ETV6: variants seen among roughly 807,000 people sequenced by gnomAD.
The protein encoded by ETV6 is transcription factor ETV6.
ETV6 carries 16 observed loss-of-function variants against 51.1 expected under a neutral mutation model. That is an observed-to-expected ratio of 0.31 (90% CI 0.21 to 0.48). The LOEUF is 0.48. Ranked by LOEUF, ETV6 falls within the 20% of genes least tolerant of loss-of-function variation. The pLI is 0.99. For synonymous variants in ETV6, 240 were observed against 224.1 expected, an observed-to-expected ratio of 1.07 and a Z score of -0.64; for missense variants, 458 against 594.8, an observed-to-expected ratio of 0.77 and a Z score of 2.39.
intron 1 of ETV6, among the ~76,000 whole-genome samples, chr12:11,660,616 A>AAG (rs1555110994): frequency 6.7e-6 from 1 of 149,942 alleles, no homozygotes; most frequent in East Asian, 2.0e-4. Flanking sequence ...AAAAAAAAAA[A>AAG]GGGAGATGGG....
At chr12:11,776,399 G>A (rs897285596) in intron 2 of ETV6, among the ~76,000 whole-genome samples, 8 of 151,866 alleles carry the variant, frequency 5.3e-5, no homozygotes, top group African/African-American at 1.9e-4. Context: ...TTTTGAACTG[G>A]CAGGGAATTT....
intron 1 of ETV6, among the ~76,000 whole-genome samples, chr12:11,679,512 T>A (rs1348039440): frequency 1.3e-5 from 2 of 152,220 alleles, no homozygotes; most frequent in Non-Finnish European, 2.9e-5. Context: ...TTCTGCACAC[T>A]GGTGAAGGGT....
At chr12:11,738,857 C>T (rs1328318728) in intron 1 of ETV6, among the ~76,000 whole-genome samples, 2 of 152,114 alleles carry the variant, frequency 1.3e-5, no homozygotes, top group African/African-American at 2.4e-5. Flanking sequence ...CAAGTCATAT[C>T]CAAAAGAGTG....
At position 11,889,884 on chromosome 12, in the gene ETV6, G is replaced by C. The variant is rs144620300; in HGVS notation, c.1254-1057G>C. Among the ~76,000 whole-genome samples the C allele has an allele frequency of 1.1e-4, 16 of 152,300 alleles. No individual in the cohort carries two copies. In the East Asian group the frequency reaches 3.1e-3, roughly 29 times the overall value. ...GGGCAGAGTATATGGGGAGAGAAAG[G>C]TGTGCAGGCACAGAAGGGGACTGGA... On this transcript the variant is annotated intron_variant, in intron 7 of 7. Coordinates refer to ENST00000396373, the MANE Select transcript of ETV6 (RefSeq NM_001987.5).
Position 11,752,439 on chromosome 12 carries a change from A to G in ETV6, c.34-11A>G. ...CTCCCCCTCCCCTCTTCCTGCCCTT[A>G]TTTTTAACAGCAGGAACGAATTTCA... On this transcript the variant is annotated splice_polypyrimidine_tract_variant and intron_variant, in intron 1 of 7. Transcript: ENST00000396373. 1 of 1,602,846 alleles carries G rather than the reference A, an allele frequency of 6.2e-7. No homozygotes were observed. Among genetic ancestry groups the G allele is most frequent in the South Asian group, 1.1e-5 (1 of 90,350 alleles).
chr12:11,704,796 TGG>T (rs1591620686), intron 1 of ETV6, among the ~76,000 whole-genome samples: 2 of 152,198 alleles, frequency 1.3e-5, no homozygotes, highest in Non-Finnish European at 1.5e-5. Flanking sequence ...TGTGTGTGTG[TGG>T]GACAAGAACA....
chr12:11,857,121 C>T (rs537096174), intron 4 of ETV6, among the ~76,000 whole-genome samples: 2 of 152,356 alleles, frequency 1.3e-5, no homozygotes, highest in South Asian at 4.1e-4. Flanking sequence ...TTCACCTCGT[C>T]GTGGCCACAA....
intron 1 of ETV6, among the ~76,000 whole-genome samples, chr12:11,736,513 T>C (rs1219044501): frequency 6.6e-6 from 1 of 152,250 alleles, no homozygotes; most frequent in Non-Finnish European, 1.5e-5. Context: ...TAACTGGTTC[T>C]GAAAGATCTG....
chr12:11,661,422 G>A (rs572253600), intron 1 of ETV6, among the ~76,000 whole-genome samples: 13 of 152,382 alleles, frequency 8.5e-5, no homozygotes, highest in African/African-American at 2.4e-4. Flanking sequence ...GCCACTAATG[G>A]CCAGCAATGG....
intron 1 of ETV6, among the ~76,000 whole-genome samples, chr12:11,673,056 A>G (rs1864349096): frequency 6.6e-6 from 1 of 152,208 alleles, no homozygotes; most frequent in Non-Finnish European, 1.5e-5. Context: ...TTGAACTTGA[A>G]CATTCAGTGA....
intron 2 of ETV6, among the ~76,000 whole-genome samples, chr12:11,833,427 T>C (rs1315296317): frequency 6.6e-6 from 1 of 152,258 alleles, no homozygotes; most frequent in East Asian, 1.9e-4. Flanking sequence ...AGAGGTTCCA[T>C]GCTTGTGCTC....
At chr12:11,696,815 C>G (rs2120819657) in intron 1 of ETV6, among the ~76,000 whole-genome samples, 1 of 152,028 alleles carries the variant, frequency 6.6e-6, no homozygotes, top group South Asian at 2.1e-4. Context: ...AAGACTCTGT[C>G]TCAAAAAAAT....
intron 4 of ETV6, among the ~76,000 whole-genome samples, chr12:11,867,218 T>C (rs1238522520): frequency 6.6e-6 from 1 of 152,236 alleles, no homozygotes; most frequent in Non-Finnish European, 1.5e-5. Flanking sequence ...CACTCTGCTA[T>C]TGTTGAACTG....
intron 3 of ETV6, 141 bp from the exon 4 acceptor site, chr12:11,853,286 G>A (rs1946583912): frequency 1.2e-6 from 1 of 844,224 alleles, no homozygotes; most frequent in African/African-American, 1.7e-5. Context: ...TGTGCCCCAT[G>A]AGCTTGGTGA....
At position 11,869,811 on chromosome 12, in the gene ETV6, C is replaced by A. The variant is rs1211248463; in HGVS notation, c.851C>A (p.Ser284Tyr). The A allele has an allele frequency of 6.2e-7, 1 of 1,613,362 alleles. No homozygotes were observed. The highest frequency in any genetic ancestry group is 1.3e-5 in the African/African-American group (1 of 75,062). Residue 284 changes from serine to tyrosine, a missense_variant, in exon 5 of 8, where the codon TCC (serine) becomes TAC (tyrosine). By Grantham distance (144) the Ser-to-Tyr change is moderately radical. Around this residue, in one of 4 missense-constraint regions of ETV6, gnomAD observed 293 missense variants for 315.7 expected, o/e 0.93. Transcript: ENST00000396373. The surrounding 1 kb of genome is among the most constrained non-coding windows in gnomAD (Gnocchi z 5.0). Reference sequence around the variant, plus strand: ...CCTCTGATCCTGAACCCCCGGCACTCCGTGGATTTCAAACAGTCCAGGCTC... The same window carrying A: ...CCTCTGATCCTGAACCCCCGGCACTACGTGGATTTCAAACAGTCCAGGCTC... ...MHPLILNPRHSVDFKQSRLSE... is the reference protein window; with the variant it reads ...MHPLILNPRHYVDFKQSRLSE...
intron 3 of ETV6, among the ~76,000 whole-genome samples, chr12:11,852,809 A>T (rs1432882027): frequency 6.6e-6 from 1 of 152,244 alleles, no homozygotes; most frequent in Non-Finnish European, 1.5e-5. Context: ...AGAACTATAG[A>T]TAGTATTAAC....
chr12:11,787,874 A>G (rs934746273), intron 2 of ETV6, among the ~76,000 whole-genome samples: 5 of 152,242 alleles, frequency 3.3e-5, no homozygotes. Flanking sequence ...ATTAAAAAGA[A>G]TACAAGGAAG....
intron 1 of ETV6, among the ~76,000 whole-genome samples, chr12:11,725,161 G>GTTT (rs34358923): frequency 1.4e-5 from 2 of 143,442 alleles, no homozygotes; most frequent in African/African-American, 5.1e-5. Flanking sequence ...CTTTTTAGCT[G>GTTT]TTTTTTTTTT....
chr12:11,862,678 A>C (rs1392621372), intron 4 of ETV6, among the ~76,000 whole-genome samples: 1 of 152,178 alleles, frequency 6.6e-6, no homozygotes, highest in Non-Finnish European at 1.5e-5. Context: ...TAAAGACACC[A>C]GTCATATTGG....
Sources: gnomAD v4.1 joint callset for allele counts (sites outside exome capture counted in the v4.1 genomes callset) on GRCh38, gnomAD v4.1.1 for gene constraint, gnomAD v4.1.1 regional missense constraint, Gnocchi (gnomAD v3.1) non-coding constraint, MANE v1.5 for transcripts, NCBI Gene and HGNC (gene_info 2026-07-23, HGNC 2026-07-21) for gene names.